Variants in VRK2 observed in about 807,000 individuals in gnomAD.
The protein encoded by VRK2 is serine/threonine-protein kinase VRK2.
A neutral mutation model predicts 57.6 loss-of-function variants in VRK2; 60 were observed. The observed-to-expected ratio is 1.04, with a 90% CI of 0.85 to 1.29. The LOEUF (loss-of-function observed/expected upper bound fraction) is 1.29. VRK2 is among the 50% of genes most tolerant of loss of function. VRK2 has a pLI of 0.00. For synonymous variants in VRK2, 231 were observed against 199.2 expected, an observed-to-expected ratio of 1.16 and a Z score of -1.35; for missense variants, 705 against 588.1, an observed-to-expected ratio of 1.20 and a Z score of -2.06.
chr2:57,967,021 T>G (rs185829077), intron 1 of VRK2, among the ~76,000 whole-genome samples: 3 of 152,274 alleles, frequency 2.0e-5, no homozygotes, highest in African/African-American at 7.2e-5. Flanking sequence ...ATATTTGGAA[T>G]TCAGAGAAAA....
chr2:58,116,081 G>A (rs967357032), intron 7 of VRK2, among the ~76,000 whole-genome samples: 2 of 152,174 alleles, frequency 1.3e-5, no homozygotes, highest in African/African-American at 4.8e-5. Flanking sequence ...GGTAAGGAGA[G>A]TTTATAGGTT....
intron 1 of VRK2, among the ~76,000 whole-genome samples, chr2:57,990,877 ACACACACATG>A (rs1482100159): frequency 6.6e-6 from 1 of 151,588 alleles, no homozygotes; most frequent in Non-Finnish European, 1.5e-5. Context: ...ACACACACAC[ACACACACATG>A]CACACACACA....
intron 2 of VRK2, among the ~76,000 whole-genome samples, chr2:58,050,954 C>T (rs1237526720): frequency 1.3e-5 from 2 of 152,094 alleles, no homozygotes; most frequent in South Asian, 2.1e-4. Context: ...AAGCAATTCT[C>T]ATGCCTCAAC....
intron 1 of VRK2, among the ~76,000 whole-genome samples, chr2:57,944,290 G>C (rs1252768427): frequency 6.6e-6 from 1 of 152,136 alleles, no homozygotes; most frequent in Non-Finnish European, 1.5e-5. Flanking sequence ...GTTACCAACA[G>C]ATAAACAATA....
At chr2:57,941,123 G>A (rs983861454) in intron 1 of VRK2, among the ~76,000 whole-genome samples, 2 of 152,054 alleles carry the variant, frequency 1.3e-5, no homozygotes, top group African/African-American at 4.8e-5. Flanking sequence ...TCACTCTTCC[G>A]TAAGAAATCT....
chr2:58,005,421 T>C (rs1254328391), intron 1 of VRK2, among the ~76,000 whole-genome samples: 1 of 152,096 alleles, frequency 6.6e-6, no homozygotes, highest in Non-Finnish European at 1.5e-5. Flanking sequence ...ATCTCTTGCT[T>C]TTTGATACAG....
intron 1 of VRK2, among the ~76,000 whole-genome samples, chr2:57,949,098 G>C (rs1247382870): frequency 6.6e-6 from 1 of 152,018 alleles, no homozygotes; most frequent in Non-Finnish European, 1.5e-5. Context: ...AATAGAAGTA[G>C]TTGTTTTAAA....
At chr2:57,922,591 CA>C (rs1670388708) in intron 1 of VRK2, among the ~76,000 whole-genome samples, 1 of 151,368 alleles carries the variant, frequency 6.6e-6, no homozygotes, top group Admixed American at 6.6e-5. Context: ...AATTAGTATA[CA>C]ATTTTTTTTA....
rs1181881554 is a variant in VRK2, at chr2:58,084,744, G to A, written c.187-137G>A. On this transcript the variant is annotated intron_variant, in intron 3 of 12. Coordinates refer to ENST00000340157, the MANE Select transcript of VRK2 (RefSeq NM_006296.7). ...TTCTGAGATTTTTAGTGGAAATCTGGTGCCTATGTTTTATAAAAAGTGATT... is the reference window on the plus strand; with the variant it reads ...TTCTGAGATTTTTAGTGGAAATCTGATGCCTATGTTTTATAAAAAGTGATT... 9.5e-6 allele frequency: 5 copies of A among 527,760 alleles called. No homozygotes were observed. In the East Asian group the frequency reaches 1.8e-4, roughly 19 times the overall value. 32.7% of individuals were successfully genotyped at this position (527,760 alleles called of 1,614,324 possible).
In VRK2 at chr2:57,916,980, C is replaced by T. The variant is rs549089610; in HGVS notation, c.-439+9141C>T. Among the ~76,000 whole-genome samples, 14 of 152,034 alleles carry T rather than the reference C, an allele frequency of 9.2e-5. No individual in the cohort carries two copies. In the South Asian group the frequency reaches 1.7e-3, roughly 18 times the overall value. On this transcript the variant is annotated intron_variant, in intron 1 of 15. Coordinates refer to the VRK2 transcript ENST00000417641. ...CTATTTTAGAAGCCTAAATAAGTGA[C>T]GAGTACATGAAACAAGTATACACAA...
intron 2 of VRK2, among the ~76,000 whole-genome samples, chr2:58,062,103 A>G (rs138681780): frequency 1.3e-5 from 2 of 152,140 alleles, no homozygotes; most frequent in African/African-American, 2.4e-5. Context: ...TCTATGTCAC[A>G]TTTTGGTCAT....
intron 1 of VRK2, among the ~76,000 whole-genome samples, chr2:58,021,626 T>C (rs1240754159): frequency 6.6e-6 from 1 of 152,194 alleles, no homozygotes; most frequent in Admixed American, 6.5e-5. Context: ...TTAATATTAA[T>C]TCTATCTTTT....
chr2:58,121,802 G>C (rs1372493424), intron 7 of VRK2, among the ~76,000 whole-genome samples: 1 of 152,144 alleles, frequency 6.6e-6, no homozygotes, highest in Non-Finnish European at 1.5e-5. Context: ...TGTATGAAAT[G>C]ATACATTTTC....
At chr2:58,149,332 T>C (rs1321119571) in intron 12 of VRK2, among the ~76,000 whole-genome samples, 1 of 151,774 alleles carries the variant, frequency 6.6e-6, no homozygotes, top group Non-Finnish European at 1.5e-5. Flanking sequence ...AGAAATAGAA[T>C]TTATTTTCTA....
intron 7 of VRK2, among the ~76,000 whole-genome samples, chr2:58,092,166 T>C (rs533337921): frequency 6.6e-6 from 1 of 152,320 alleles, no homozygotes; most frequent in Admixed American, 6.5e-5. Context: ...AGTTCTCTCA[T>C]TCCTGTTTAG....
At chr2:58,054,310 C>G (rs1393407177) in intron 2 of VRK2, among the ~76,000 whole-genome samples, 1 of 151,546 alleles carries the variant, frequency 6.6e-6, no homozygotes, top group African/African-American at 2.4e-5. Context: ...TTATAAAATA[C>G]TCTATTCTTC....
chr2:58,121,356 G>C (rs931381413), intron 7 of VRK2, among the ~76,000 whole-genome samples: 3 of 152,164 alleles, frequency 2.0e-5, no homozygotes, highest in South Asian at 2.1e-4. Flanking sequence ...TCATTTTTCT[G>C]ATATCTGCTT....
intron 12 of VRK2, among the ~76,000 whole-genome samples, chr2:58,157,948 A>G (rs1022277392): frequency 1.3e-5 from 2 of 152,200 alleles, no homozygotes; most frequent in African/African-American, 2.4e-5. Flanking sequence ...CTCCTGTTAT[A>G]GACTATCCTA....
At chr2:58,105,692 C>T (rs926097170) in intron 7 of VRK2, among the ~76,000 whole-genome samples, 4 of 151,390 alleles carry the variant, frequency 2.6e-5, no homozygotes, top group Non-Finnish European at 4.4e-5. Context: ...TTGAATTACT[C>T]CTTGAACTGT....
Sources: gnomAD v4.1 joint callset for allele counts (sites outside exome capture counted in the v4.1 genomes callset) on GRCh38, gnomAD v4.1.1 for gene constraint, MANE v1.5 for transcripts, NCBI Gene and HGNC (gene_info 2026-07-23, HGNC 2026-07-21) for gene names.